CENPW: variants seen among roughly 807,000 people sequenced by gnomAD.
CENPW encodes the protein centromere protein W.
CENPW carries 3 observed loss-of-function variants against 11.1 expected under a neutral mutation model. The ratio of observed to expected loss-of-function variants is 0.27; its 90% CI spans 0.12 to 0.70. The LOEUF is 0.70. Among genes scored for constraint, CENPW ranks in the 30% least tolerant of loss-of-function variants. CENPW has a pLI of 0.77. For synonymous variants in CENPW, 38 were observed against 42.0 expected (o/e 0.91, Z 0.37); for missense variants, 100 against 105.6 (o/e 0.95, Z 0.23).
the CENPW span, among the ~76,000 whole-genome samples, chr6:126,480,052 A>G: frequency 7.8e-3 from 1,186 of 152,128 alleles, 13 homozygotes; most frequent in African/African-American, 0.027. Context: ...ACCCAACTGT[A>G]TAAGGTTTAG....
At chr6:126,456,845 A>C in the CENPW span, among the ~76,000 whole-genome samples, 7 of 151,764 alleles carry the variant, frequency 4.6e-5, no homozygotes, top group African/African-American at 1.7e-4. Flanking sequence ...AACTGAAACA[A>C]ATTAACAAGC....
At chr6:126,433,002 T>C in the CENPW span, among the ~76,000 whole-genome samples, 1 of 152,186 alleles carries the variant, frequency 6.6e-6, no homozygotes, top group African/African-American at 2.4e-5. Context: ...AGTGATTTTG[T>C]GCTAGTTGTC....
downstream of CENPW, among the ~76,000 whole-genome samples, chr6:126,349,464 A>G (rs1325322891): frequency 2.0e-5 from 3 of 152,162 alleles, no homozygotes; most frequent in Admixed American, 6.6e-5. Flanking sequence ...CCCTAGCACC[A>G]TTCCTAAACC....
the CENPW span, among the ~76,000 whole-genome samples, chr6:126,408,401 T>TA: frequency 6.3e-4 from 96 of 152,278 alleles, no homozygotes; most frequent in African/African-American, 2.2e-3. Context: ...CTCCCCTTTA[T>TA]AAAATCATCA....
chr6:126,432,034 C>T, the CENPW span, among the ~76,000 whole-genome samples: 1 of 133,224 alleles, frequency 7.5e-6, no homozygotes, highest in African/African-American at 2.9e-5. Flanking sequence ...CACTGCACTC[C>T]AGCCTAGGCA....
the CENPW span, among the ~76,000 whole-genome samples, chr6:126,359,326 ACTTT>A: frequency 3.8e-4 from 57 of 150,390 alleles, no homozygotes; most frequent in Non-Finnish European, 7.1e-4. Flanking sequence ...ATTTATTGAG[ACTTT>A]CTTTATGACA....
At chr6:126,445,368 A>C in the CENPW span, among the ~76,000 whole-genome samples, 5 of 151,098 alleles carry the variant, frequency 3.3e-5, no homozygotes, top group African/African-American at 7.3e-5. Flanking sequence ...TGTTTTATTG[A>C]AGGTTTGGAA....
the CENPW span, among the ~76,000 whole-genome samples, chr6:126,475,791 ATG>A: frequency 6.6e-6 from 1 of 152,026 alleles, no homozygotes; most frequent in African/African-American, 2.4e-5. Context: ...GTTATTATAT[ATG>A]TGTTTATAAT....
chr6:126,381,642 A>C, the CENPW span, among the ~76,000 whole-genome samples: 1 of 152,142 alleles, frequency 6.6e-6, no homozygotes, highest in African/African-American at 2.4e-5. Context: ...GCCGCCAGCC[A>C]ACCAACATGC....
chr6:126,381,580 A>G, the CENPW span, among the ~76,000 whole-genome samples: 1 of 152,146 alleles, frequency 6.6e-6, no homozygotes, highest in South Asian at 2.1e-4. Context: ...AAAAGCCAAC[A>G]TTATCTGAAC....
At chr6:126,463,764 A>G in the CENPW span, among the ~76,000 whole-genome samples, 1 of 152,228 alleles carries the variant, frequency 6.6e-6, no homozygotes, top group Non-Finnish European at 1.5e-5. Flanking sequence ...GAAAACAGGA[A>G]TAGCCCTATA....
chr6:126,403,241 G>T, the CENPW span, among the ~76,000 whole-genome samples: 1 of 152,052 alleles, frequency 6.6e-6, no homozygotes, highest in Admixed American at 6.6e-5. Context: ...TTTTCAGTGG[G>T]CTGTAAGTAT....
chr6:126,341,472 A>G (rs909987283), intron 1 of CENPW, among the ~76,000 whole-genome samples: 7 of 152,150 alleles, frequency 4.6e-5, no homozygotes, highest in African/African-American at 1.7e-4. Context: ...AAACTACTAT[A>G]GAATTATCGC....
the CENPW span, among the ~76,000 whole-genome samples, chr6:126,397,648 GC>G: frequency 6.6e-6 from 1 of 152,022 alleles, no homozygotes; most frequent in Non-Finnish European, 1.5e-5. Flanking sequence ...CCTCTATTCA[GC>G]CACCTTACTC....
At chr6:126,347,091 G>A in intron 2 of CENPW, among the ~76,000 whole-genome samples, 1 of 152,098 alleles carries the variant, frequency 6.6e-6, no homozygotes, top group East Asian at 1.9e-4. Context: ...TGTTAATCAA[G>A]GCCCTACCTC....
chr6:126,385,926 A>T, the CENPW span, among the ~76,000 whole-genome samples: 1 of 152,144 alleles, frequency 6.6e-6, no homozygotes, highest in East Asian at 1.9e-4. Flanking sequence ...TTCATATTGA[A>T]AAGAAGGAGG....
At chr6:126,374,767 ATAAT>A in the CENPW span, among the ~76,000 whole-genome samples, 3 of 152,218 alleles carry the variant, frequency 2.0e-5, no homozygotes, top group Non-Finnish European at 4.4e-5. Context: ...TATATAATAA[ATAAT>A]TCCATTCATT....
the CENPW span, among the ~76,000 whole-genome samples, chr6:126,368,653 T>G: frequency 6.6e-6 from 1 of 151,838 alleles, no homozygotes; most frequent in African/African-American, 2.4e-5. Context: ...ATGTGTAGTT[T>G]TTTTTTTTTG....
At chr6:126,386,330 A>G in the CENPW span, among the ~76,000 whole-genome samples, 2 of 152,034 alleles carry the variant, frequency 1.3e-5, no homozygotes, top group Non-Finnish European at 2.9e-5. Flanking sequence ...AAATGGAGGG[A>G]GAATATCTCT....
Sources: gnomAD v4.1 joint callset for allele counts (sites outside exome capture counted in the v4.1 genomes callset) on GRCh38, gnomAD v4.1.1 for gene constraint, MANE v1.5 for transcripts, NCBI Gene and HGNC (gene_info 2026-07-23, HGNC 2026-07-21) for gene names.